Variants in PCLO observed in about 807,000 individuals in gnomAD.
PCLO encodes the protein piccolo presynaptic cytomatrix protein.
Under a neutral mutation model 427.5 loss-of-function variants are expected in PCLO, and 82 were observed. The observed-to-expected ratio is 0.19, with a 90% CI of 0.16 to 0.23. The LOEUF (loss-of-function observed/expected upper bound fraction) is 0.23. Ranked by LOEUF, PCLO falls within the 10% of genes least tolerant of loss-of-function variation. The probability of loss-of-function intolerance (pLI) is 1.00; values close to 1 mark genes in which losing one functional copy is unlikely to be tolerated. For missense variants in PCLO, 6,239 were observed against 6,115.9 expected, an observed-to-expected ratio of 1.02 and a Z score of -0.67; for synonymous variants, 2,357 against 2,155.4, an observed-to-expected ratio of 1.09 and a Z score of -2.59.
chr7:82,867,339 T>G (rs2115957021), intron 10 of PCLO, among the ~76,000 whole-genome samples: 1 of 152,330 alleles, frequency 6.6e-6, no homozygotes, highest in Admixed American at 6.5e-5. Context: ...TTCCTAAATT[T>G]GATAACAATT....
intron 3 of PCLO, among the ~76,000 whole-genome samples, chr7:83,087,086 G>T (rs1412057487): frequency 1.6e-5 from 2 of 122,584 alleles, no homozygotes; most frequent in Admixed American, 2.0e-4. Context: ...GGGGAAGGGG[G>T]AGGGAGGGAA....
At chr7:82,895,346 T>A (rs575749666) in intron 9 of PCLO, among the ~76,000 whole-genome samples, 13 of 151,982 alleles carry the variant, frequency 8.6e-5, no homozygotes, top group Non-Finnish European at 1.9e-4. Flanking sequence ...AATACATAGT[T>A]TTAAATGTCT....
At chr7:83,059,679 GGT>G (rs1371671330) in intron 3 of PCLO, among the ~76,000 whole-genome samples, 3 of 152,016 alleles carry the variant, frequency 2.0e-5, no homozygotes, top group Admixed American at 1.3e-4. Flanking sequence ...CATTCAGCTT[GGT>G]GGTTAAGAGG....
chr7:82,929,069 G>T (rs1282997782), intron 6 of PCLO, among the ~76,000 whole-genome samples: 1 of 152,110 alleles, frequency 6.6e-6, no homozygotes, highest in Non-Finnish European at 1.5e-5. Context: ...AAGAGGCATA[G>T]TAAGAAACAG....
chr7:82,851,092 T>A (rs1792641712), intron 10 of PCLO, among the ~76,000 whole-genome samples: 1 of 152,108 alleles, frequency 6.6e-6, no homozygotes, highest in South Asian at 2.1e-4. Context: ...TATTTACAAT[T>A]TATTAACATG....
intron 20 of PCLO, among the ~76,000 whole-genome samples, chr7:82,809,139 T>C (rs1037679214): frequency 6.6e-6 from 1 of 151,902 alleles, no homozygotes; most frequent in Non-Finnish European, 1.5e-5. Flanking sequence ...AAATAAAGTG[T>C]ATTTAGGACT....
chr7:82,817,785 C>T (rs1018604376), intron 20 of PCLO, among the ~76,000 whole-genome samples: 3 of 152,098 alleles, frequency 2.0e-5, no homozygotes, highest in African/African-American at 7.2e-5. Flanking sequence ...ATTGTCTCAC[C>T]TAATCTCTCC....
intron 9 of PCLO, among the ~76,000 whole-genome samples, chr7:82,884,496 C>T (rs1433831348): frequency 3.3e-5 from 5 of 152,170 alleles, no homozygotes; most frequent in Admixed American, 1.3e-4. Flanking sequence ...GCCACATTCA[C>T]AAATGCATTC....
intron 6 of PCLO, among the ~76,000 whole-genome samples, chr7:82,941,218 T>C (rs1231622392): frequency 6.6e-6 from 1 of 152,154 alleles, no homozygotes; most frequent in Non-Finnish European, 1.5e-5. Context: ...AGCCAGTTCA[T>C]CTAAGACTCA....
intron 10 of PCLO, among the ~76,000 whole-genome samples, chr7:82,875,001 C>T (rs1793335937): frequency 6.6e-6 from 1 of 152,096 alleles, no homozygotes; most frequent in South Asian, 2.1e-4. Context: ...GTAAATTCCC[C>T]AGATCTTTTG....
chr7:83,029,262 G>GAAA (rs201134210), intron 3 of PCLO, among the ~76,000 whole-genome samples: 3,407 of 126,854 alleles, frequency 0.027, 133 homozygotes, highest in African/African-American at 0.094. Flanking sequence ...AAATTTACAA[G>GAAA]AAAAAAAAAA....
intron 3 of PCLO, among the ~76,000 whole-genome samples, chr7:83,043,910 TTC>T (rs1789033478): frequency 2.0e-5 from 2 of 101,172 alleles, no homozygotes; most frequent in Non-Finnish European, 4.0e-5. Context: ...TACTATTATT[TTC>T]TTTTTTTTTT....
intron 9 of PCLO, among the ~76,000 whole-genome samples, chr7:82,883,365 C>T (rs929166204): frequency 3.9e-5 from 6 of 152,134 alleles, no homozygotes; most frequent in Non-Finnish European, 8.8e-5. Flanking sequence ...TGACTTATCT[C>T]TGTGTTACAA....
intron 22 of PCLO, among the ~76,000 whole-genome samples, chr7:82,783,396 C>G (rs1009879802): frequency 2.0e-5 from 3 of 152,050 alleles, no homozygotes; most frequent in Non-Finnish European, 2.9e-5. Context: ...GAGCGGATCA[C>G]GACGTCAGGA....
chr7:83,138,739 C>G (rs1269987318), intron 2 of PCLO, among the ~76,000 whole-genome samples: 1 of 148,582 alleles, frequency 6.7e-6, no homozygotes, highest in East Asian at 2.0e-4. Flanking sequence ...AAGACAATTT[C>G]AAGGTTATGG....
intron 20 of PCLO, chr7:82,821,089 T>G: frequency 9.2e-7 from 1 of 1,087,236 alleles, no homozygotes; most frequent in Non-Finnish European, 1.1e-6. Context: ...GCTGTGTGCT[T>G]TGAACAGGGC....
chr7:82,821,416 T>C (rs922607878), intron 20 of PCLO: 4 of 985,634 alleles, frequency 4.1e-6, no homozygotes, highest in Non-Finnish European at 4.8e-6. Flanking sequence ...TGTTTTCAAA[T>C]GCCAAAATGA....
intron 4 of PCLO, among the ~76,000 whole-genome samples, chr7:82,965,488 T>C (rs1474985429): frequency 6.6e-6 from 1 of 152,112 alleles, no homozygotes; most frequent in Admixed American, 6.6e-5. Flanking sequence ...TAAATAAAAC[T>C]AGATAACTTC....
chr7:83,016,503 G>A (rs1322234392), intron 3 of PCLO, among the ~76,000 whole-genome samples: 3 of 151,916 alleles, frequency 2.0e-5, no homozygotes, highest in South Asian at 2.1e-4. Flanking sequence ...ATTAAAGAAT[G>A]TGTCTTTTGA....
Sources: gnomAD v4.1 joint callset for allele counts (sites outside exome capture counted in the v4.1 genomes callset) on GRCh38, gnomAD v4.1.1 for gene constraint, MANE v1.5 for transcripts, NCBI Gene and HGNC (gene_info 2026-07-23, HGNC 2026-07-21) for gene names.